Variants in ANKRD30A observed in about 807,000 individuals in gnomAD.
ANKRD30A encodes ankyrin repeat domain-containing protein 30A.
A neutral mutation model predicts 166.3 loss-of-function variants in ANKRD30A; 170 were observed. That is an observed-to-expected ratio of 1.02 (90% CI 0.90 to 1.16). The LOEUF (loss-of-function observed/expected upper bound fraction) is 1.16, where lower values mean the gene tolerates loss of function less well. ANKRD30A is among the 50% of genes most tolerant of loss of function. ANKRD30A has a pLI of 0.00. For missense variants in ANKRD30A, 1,630 were observed against 1,518.0 expected (o/e 1.07, Z -1.23); for synonymous variants, 564 against 508.9 (o/e 1.11, Z -1.46).
rs1391559503 is a variant in ANKRD30A, at chr10:37,150,892, A to G, written c.1645+1043A>G. On this transcript the variant is annotated intron_variant, in intron 11 of 35. Coordinates refer to ENST00000361713, the MANE Select transcript of ANKRD30A (RefSeq NM_052997.3). Reference sequence around the variant, plus strand: ...ATTTCCTTGTGCAATCATACACTCCACTAAGAATTTGAACTGTGCCCCACA... The same window carrying G: ...ATTTCCTTGTGCAATCATACACTCCGCTAAGAATTTGAACTGTGCCCCACA... Among the ~76,000 whole-genome samples the G allele has an allele frequency of 2.6e-5, 4 of 152,156 alleles. No individual in the cohort carries two copies. The East Asian group carries it at 7.7e-4, about 29-fold the overall frequency.
intron 31 of ANKRD30A, among the ~76,000 whole-genome samples, chr10:37,207,223 C>T (rs1189997497): frequency 6.6e-6 from 1 of 152,130 alleles, no homozygotes. Flanking sequence ...ATCAATTTTA[C>T]ATTCAGCTAA....
intron 3 of ANKRD30A, 75 bp from the exon 4 acceptor site, chr10:37,132,165 A>G (rs1836416320): frequency 5.9e-6 from 6 of 1,014,244 alleles, no homozygotes; most frequent in African/African-American, 1.6e-5. Flanking sequence ...AGTTCATAAG[A>G]TATTATATAA....
chr10:37,210,611 C>T (rs1358989869), intron 31 of ANKRD30A, among the ~76,000 whole-genome samples: 1 of 152,196 alleles, frequency 6.6e-6, no homozygotes, highest in East Asian at 1.9e-4. Flanking sequence ...TATTTCTCCA[C>T]ATCCTCTCCA....
At chr10:37,229,849 A>T (rs1029318160) in intron 34 of ANKRD30A, among the ~76,000 whole-genome samples, 5 of 151,954 alleles carry the variant, frequency 3.3e-5, no homozygotes, top group African/African-American at 1.2e-4. Flanking sequence ...TGTATGGGTT[A>T]CATGAGATAT....
intron 6 of ANKRD30A, among the ~76,000 whole-genome samples, chr10:37,140,776 GA>G (rs1338445898): frequency 6.6e-6 from 1 of 152,084 alleles, no homozygotes; most frequent in Non-Finnish European, 1.5e-5. Context: ...ACCTAAATGT[GA>G]CATAATGCAT....
intron 15 of ANKRD30A, among the ~76,000 whole-genome samples, chr10:37,161,131 C>T (rs1838825347): frequency 6.6e-6 from 1 of 152,108 alleles, no homozygotes; most frequent in Non-Finnish European, 1.5e-5. Flanking sequence ...GCACGCATTT[C>T]TAATAAGTTC....
chr10:37,223,188 C>T (rs77368744), intron 34 of ANKRD30A, among the ~76,000 whole-genome samples: 1,640 of 151,258 alleles, frequency 0.011, 19 homozygotes, highest in Non-Finnish European at 0.014. Flanking sequence ...TTTCAACCCA[C>T]GGTACTGGGT....
In ANKRD30A at chr10:37,158,605, A is replaced by G. The variant is rs751192529; in HGVS notation, c.1900+19A>G. Reference sequence around the variant, plus strand: ...AAAGCAGGTAAATTTTGTAATTTTAATTTTACTCTGGAAAGGAGAATATTA... The same window carrying G: ...AAAGCAGGTAAATTTTGTAATTTTAGTTTTACTCTGGAAAGGAGAATATTA... On this transcript the variant is annotated intron_variant, in intron 15 of 35. Coordinates refer to ENST00000361713, the MANE Select transcript of ANKRD30A (RefSeq NM_052997.3). The G allele has an allele frequency of 1.6e-5, 25 of 1,611,600 alleles. No homozygotes were observed. In the Admixed American group the frequency reaches 3.7e-4, roughly 24 times the overall value.
chr10:37,212,524 A>G (rs958742586), intron 31 of ANKRD30A, among the ~76,000 whole-genome samples: 4 of 152,068 alleles, frequency 2.6e-5, no homozygotes, highest in African/African-American at 4.8e-5. Context: ...ACTACTTTAA[A>G]GTTCATATGG....
intron 2 of ANKRD30A, 50 bp downstream of exon 2, chr10:37,130,057 A>G (rs1282440921): frequency 2.3e-6 from 3 of 1,314,256 alleles, no homozygotes; most frequent in Non-Finnish European, 3.0e-6. Flanking sequence ...GTTTAAATAC[A>G]TAGAATAAAA....
At chr10:37,157,064 TGAG>T (rs1369849598) in intron 13 of ANKRD30A, among the ~76,000 whole-genome samples, 4 of 152,198 alleles carry the variant, frequency 2.6e-5, no homozygotes, top group East Asian at 1.9e-4. Flanking sequence ...TGGAAATATT[TGAG>T]GAGTAGAGAA....
At chr10:37,171,678 C>T (rs1399384028) in intron 21 of ANKRD30A, among the ~76,000 whole-genome samples, 1 of 151,142 alleles carries the variant, frequency 6.6e-6, no homozygotes, top group Non-Finnish European at 1.5e-5. Flanking sequence ...TGAAGTTGCA[C>T]CTCTGAGTCT....
intron 34 of ANKRD30A, among the ~76,000 whole-genome samples, chr10:37,225,400 A>G (rs746242114): frequency 2.0e-5 from 3 of 151,804 alleles, no homozygotes; most frequent in Non-Finnish European, 2.9e-5. Flanking sequence ...TCCTGCAGAT[A>G]TAAGAAGCTT....
intron 27 of ANKRD30A, among the ~76,000 whole-genome samples, chr10:37,195,313 G>T (rs996125669): frequency 3.3e-5 from 5 of 151,978 alleles, no homozygotes; most frequent in Admixed American, 2.6e-4. Flanking sequence ...GAAAAGAGTT[G>T]GTTACAGATT....
At chr10:37,220,028 TAA>T (rs1842829077) in intron 34 of ANKRD30A, 131 bp downstream of exon 34, 1 of 152,070 alleles carries the variant, frequency 6.6e-6, no homozygotes, top group South Asian at 2.1e-4. Flanking sequence ...TATATATATA[TAA>T]TATATGTATG....
intron 27 of ANKRD30A, among the ~76,000 whole-genome samples, chr10:37,196,097 T>TTTA (rs1564549880): frequency 3.0e-5 from 4 of 132,686 alleles, no homozygotes; most frequent in Non-Finnish European, 5.3e-5. Context: ...TTTTCTATTT[T>TTTA]TTTTTTTTTT....
intron 19 of ANKRD30A, among the ~76,000 whole-genome samples, chr10:37,167,421 A>G (rs1839444167): frequency 6.6e-6 from 1 of 151,332 alleles, no homozygotes; most frequent in African/African-American, 2.5e-5. Context: ...GCCATTTTAT[A>G]AAACCTCATT....
intron 6 of ANKRD30A, among the ~76,000 whole-genome samples, chr10:37,140,155 A>T (rs1219423794): frequency 2.0e-5 from 3 of 152,228 alleles, no homozygotes; most frequent in Non-Finnish European, 4.4e-5. Flanking sequence ...TATTGCCTTC[A>T]TGTTGAGTAG....
intron 19 of ANKRD30A, among the ~76,000 whole-genome samples, chr10:37,167,041 A>G (rs966389655): frequency 6.6e-6 from 1 of 152,112 alleles, no homozygotes; most frequent in Non-Finnish European, 1.5e-5. Context: ...TATGTAATGG[A>G]GGATGATAAA....
Sources: allele counts gnomAD v4.1 joint callset (sites outside exome capture counted in the v4.1 genomes callset), GRCh38; gene constraint gnomAD v4.1.1; transcripts MANE v1.5; gene names NCBI Gene and HGNC (gene_info 2026-07-23, HGNC 2026-07-21).